The following NEK1 variants were observed in gnomAD, a reference collection of about 807,000 sequenced individuals.
NEK1 encodes serine/threonine-protein kinase Nek1.
Under a neutral mutation model 182.1 loss-of-function variants are expected in NEK1, and 137 were observed. The ratio of observed to expected loss-of-function variants is 0.75; its 90% CI spans 0.65 to 0.87. The LOEUF (loss-of-function observed/expected upper bound fraction) is 0.87, where lower values mean the gene tolerates loss of function less well. Ranked by LOEUF, NEK1 falls within the 40% of genes least tolerant of loss-of-function variation. NEK1 has a pLI of 0.00. For synonymous variants in NEK1, 513 were observed against 492.2 expected, an observed-to-expected ratio of 1.04 and a Z score of -0.56; for missense variants, 1,391 against 1,494.4, an observed-to-expected ratio of 0.93 and a Z score of 1.14.
At chr4:169,558,669 T>G (rs1375015762) in intron 16 of NEK1, among the ~76,000 whole-genome samples, 1 of 152,166 alleles carries the variant, frequency 6.6e-6, no homozygotes, top group Non-Finnish European at 1.5e-5. Context: ...TTCCATATTA[T>G]AATCACCATA....
chr4:169,435,119 A>ACAGC (rs1738156949), intron 28 of NEK1, among the ~76,000 whole-genome samples: 1 of 152,174 alleles, frequency 6.6e-6, no homozygotes, highest in African/African-American at 2.4e-5. Context: ...AATAATAGAA[A>ACAGC]CTTATTTCTC....
chr4:169,480,703 T>C (rs1048907877), intron 23 of NEK1, among the ~76,000 whole-genome samples: 5 of 152,088 alleles, frequency 3.3e-5, no homozygotes, highest in African/African-American at 1.2e-4. Flanking sequence ...CATTGACTCT[T>C]TCATGAAAAT....
intron 31 of NEK1, among the ~76,000 whole-genome samples, chr4:169,413,373 A>G (rs1733990223): frequency 6.6e-6 from 1 of 151,836 alleles, no homozygotes; most frequent in Admixed American, 6.6e-5. Context: ...GGGGCTAACT[A>G]TGTTGCTCAG....
chr4:169,488,185 C>A (rs937554415), intron 23 of NEK1, among the ~76,000 whole-genome samples: 1 of 152,122 alleles, frequency 6.6e-6, no homozygotes, highest in Admixed American at 6.5e-5. Context: ...AATTAGATCC[C>A]ATTTGCCAAT....
At chr4:169,438,021 G>T in intron 28 of NEK1, 62 bp downstream of exon 28, 1 of 1,247,326 alleles carries the variant, frequency 8.0e-7, no homozygotes, top group African/African-American at 1.5e-5. Context: ...TGTTTATAAA[G>T]CTTGTGAAAT....
chr4:169,586,929 T>C (rs1363772145), intron 9 of NEK1, among the ~76,000 whole-genome samples: 1 of 152,034 alleles, frequency 6.6e-6, no homozygotes, highest in Non-Finnish European at 1.5e-5. Flanking sequence ...TATTCACTTA[T>C]TTATATTTTC....
chr4:169,555,503 CA>C, intron 18 of NEK1: 1 of 545,356 alleles, frequency 1.8e-6, no homozygotes, highest in Non-Finnish European at 3.3e-6. Flanking sequence ...TCTAAACCCA[CA>C]AACAAGACAC....
intron 35 of NEK1, chr4:169,399,999 T>C (rs1229461960): frequency 5.8e-6 from 3 of 519,680 alleles, no homozygotes; most frequent in Non-Finnish European, 1.0e-5. Context: ...CAAAGGTTAC[T>C]TGTAAATTAA....
chr4:169,461,060 C>T (rs1430535569), intron 27 of NEK1, among the ~76,000 whole-genome samples: 1 of 152,090 alleles, frequency 6.6e-6, no homozygotes, highest in Non-Finnish European at 1.5e-5. Context: ...CAAAACAAGC[C>T]TTGATAGTAG....
intron 18 of NEK1, among the ~76,000 whole-genome samples, chr4:169,548,076 T>A (rs1760816068): frequency 6.6e-6 from 1 of 152,224 alleles, no homozygotes; most frequent in Non-Finnish European, 1.5e-5. Context: ...ATTTTCAGCC[T>A]TTTTGCGCTG....
intron 23 of NEK1, among the ~76,000 whole-genome samples, chr4:169,505,911 G>A (rs935204903): frequency 1.1e-4 from 17 of 151,948 alleles, no homozygotes; most frequent in African/African-American, 3.6e-4. Flanking sequence ...ACCTTTATAA[G>A]AAATACAACA....
intron 29 of NEK1, 76 bp downstream of exon 29, chr4:169,433,469 G>T: frequency 7.3e-7 from 1 of 1,364,764 alleles, no homozygotes; most frequent in Non-Finnish European, 1.0e-6. Flanking sequence ...TGCAATATTA[G>T]CTTATTATAG....
intron 19 of NEK1, among the ~76,000 whole-genome samples, chr4:169,521,835 TTC>T (rs1336336273): frequency 4.6e-5 from 7 of 152,210 alleles, no homozygotes; most frequent in Non-Finnish European, 2.9e-5. Context: ...AATGTGTCAT[TTC>T]TCTCTCCCAT....
At position 169,508,241 on chromosome 4, in the gene NEK1, AAC is replaced by A; in HGVS notation, c.1833+5_1833+6del. On this transcript the variant is annotated splice_donor_5th_base_variant and intron_variant, in intron 21 of 35. Transcript: ENST00000507142. ...AATTTCTTCAAAAAAATAGCTTTTCAACCTACCTTTTCACCACGAAGTTTGGC... is the reference window on the plus strand; with the variant it reads ...AATTTCTTCAAAAAAATAGCTTTTCACTACCTTTTCACCACGAAGTTTGGC... The A allele has an allele frequency of 3.8e-6, 6 of 1,579,986 alleles. No individual in the cohort carries two copies. The highest frequency in any genetic ancestry group is 5.2e-6 in the Non-Finnish European group (6 of 1,164,740).
chr4:169,508,777 C>CT lies in NEK1; in HGVS notation c.1740dup (p.Glu581ArgfsTer19). The CT allele has an allele frequency of 6.3e-7, 1 of 1,580,834 alleles. No individual in the cohort carries two copies. The highest frequency in any genetic ancestry group is 1.3e-5 in the African/African-American group (1 of 74,864). The stretch of plus-strand genomic sequence containing the variant: ...ACATGCGGGAAGCATACCTCTTCCT[C>CT]TTTGTTTCTTGGCTTCCCTCCTCTT... On this transcript the variant is annotated frameshift_variant, in exon 20 of 36. Transcript: ENST00000507142. LOFTEE classifies it high-confidence loss of function.
chr4:169,445,865 T>TATATATATATATATATAC (rs569539235), intron 27 of NEK1, among the ~76,000 whole-genome samples: 3 of 143,268 alleles, frequency 2.1e-5, no homozygotes, highest in African/African-American at 8.3e-5. Flanking sequence ...TATATATATA[T>TATATATATATATATATAC]ACACACACAC....
At chr4:169,489,811 T>C in intron 23 of NEK1, among the ~76,000 whole-genome samples, 1 of 151,958 alleles carries the variant, frequency 6.6e-6, no homozygotes, top group South Asian at 2.1e-4. Flanking sequence ...AGGATCAGAG[T>C]CACAGCTATA....
At chr4:169,401,898 A>C in intron 32 of NEK1, 38 bp from the exon 33 acceptor site, 1 of 1,515,046 alleles carries the variant, frequency 6.6e-7, no homozygotes. Context: ...TTTCAAACAT[A>C]CTGAAATTTA....
chr4:169,404,765 T>C (rs1156568251), intron 32 of NEK1, among the ~76,000 whole-genome samples: 1 of 133,624 alleles, frequency 7.5e-6, no homozygotes, highest in African/African-American at 2.7e-5. Flanking sequence ...GTTCTTTTTG[T>C]TTTTTTATGG....
Sources: gnomAD v4.1 joint callset for allele counts (sites outside exome capture counted in the v4.1 genomes callset) on GRCh38, gnomAD v4.1.1 for gene constraint, MANE v1.5 for transcripts, NCBI Gene and HGNC (gene_info 2026-07-23, HGNC 2026-07-21) for gene names.